The following ZCCHC14 variants were observed in gnomAD, a reference collection of about 807,000 sequenced individuals.
The protein encoded by ZCCHC14 is zinc finger CCHC-type containing 14.
Under a neutral mutation model 85.0 loss-of-function variants are expected in ZCCHC14, and 16 were observed. That is an observed-to-expected ratio of 0.19 (90% confidence interval 0.13 to 0.29). The LOEUF (loss-of-function observed/expected upper bound fraction) is 0.29. Among genes scored for constraint, ZCCHC14 ranks in the 10% least tolerant of loss-of-function variants. The pLI, the probability that ZCCHC14 is intolerant of heterozygous loss-of-function variation, is 1.00. For missense variants in ZCCHC14, 1,303 were observed against 1,443.5 expected (o/e 0.90, Z 1.58); for synonymous variants, 775 against 630.7 (o/e 1.23, Z -3.43).
At chr16:87,454,473 G>T (rs963860645) in intron 2 of ZCCHC14, among the ~76,000 whole-genome samples, 2 of 152,122 alleles carry the variant, frequency 1.3e-5, no homozygotes, top group African/African-American at 4.8e-5. Flanking sequence ...CCAGAATATA[G>T]CAAAATGACA....
intron 4 of ZCCHC14, among the ~76,000 whole-genome samples, chr16:87,421,654 G>C (rs1909101788): frequency 6.6e-6 from 1 of 152,152 alleles, no homozygotes; most frequent in South Asian, 2.1e-4. Context: ...TGTGCCACAG[G>C]CCTGCAGGGA....
intron 1 of ZCCHC14, among the ~76,000 whole-genome samples, chr16:87,486,574 CAT>C (rs1283192968): frequency 6.6e-6 from 1 of 152,212 alleles, no homozygotes; most frequent in Non-Finnish European, 1.5e-5. Context: ...TTAAGCAGCA[CAT>C]GACTGTATGC....
At chr16:87,451,701 G>C (rs945228588) in intron 2 of ZCCHC14, among the ~76,000 whole-genome samples, 1 of 152,330 alleles carries the variant, frequency 6.6e-6, no homozygotes, top group Non-Finnish European at 1.5e-5. Context: ...TCTGGGCAGA[G>C]GGATGCTACA....
At chr16:87,466,016 G>A (rs1438191496) in intron 1 of ZCCHC14, among the ~76,000 whole-genome samples, 3 of 152,174 alleles carry the variant, frequency 2.0e-5, no homozygotes, top group Admixed American at 6.5e-5. Context: ...TTAGACCAGA[G>A]GGAATCAAAG....
Position 87,491,541 on chromosome 16 carries a change from C to T in ZCCHC14, c.570+128G>A. On this transcript the variant is annotated intron_variant, in intron 1 of 12. Transcript: ENST00000671377. This position sits in a 1 kb window ranked among gnomAD's most constrained non-coding sequence, Gnocchi z 5.9. ...GGGGCTCGTGGTGCAGGTTGGAGAC[C>T]TGGGTGGGAGCTCTCAGTGCAGGCT... is the stretch of plus-strand genomic sequence containing the variant. 2.4e-6 allele frequency: 2 copies of T among 832,596 alleles called. No homozygotes were observed. Among genetic ancestry groups the T allele is most frequent in the Non-Finnish European group, 3.3e-6 (2 of 607,624 alleles). The allele number at this position is 832,596 out of a possible 1,614,324, so 51.6% of individuals were successfully genotyped here. A position where few individuals can be genotyped will look rare whatever the true frequency, so the allele number is the denominator to read the frequency against.
intron 2 of ZCCHC14, among the ~76,000 whole-genome samples, chr16:87,454,894 G>A (rs776532031): frequency 6.6e-6 from 1 of 152,210 alleles, no homozygotes; most frequent in Non-Finnish European, 1.5e-5. Flanking sequence ...GGACGGGGCG[G>A]CCCCTGATCT....
At chr16:87,470,815 TGAGAA>T (rs1911742210) in intron 1 of ZCCHC14, 1 of 152,240 alleles carries the variant, frequency 6.6e-6, no homozygotes, top group Non-Finnish European at 1.5e-5. Context: ...AAACAGGCAC[TGAGAA>T]AAGACAAAGG....
chr16:87,441,945 A>G (rs1216255966), intron 2 of ZCCHC14, among the ~76,000 whole-genome samples: 1 of 152,192 alleles, frequency 6.6e-6, no homozygotes, highest in African/African-American at 2.4e-5. Context: ...ACACCTCCTC[A>G]CTGCCTTTTC....
chr16:87,434,139 T>A (rs1909797649), intron 2 of ZCCHC14, among the ~76,000 whole-genome samples: 1 of 152,240 alleles, frequency 6.6e-6, no homozygotes, highest in South Asian at 2.1e-4. Flanking sequence ...ATCAGCCTAC[T>A]CATCCCGTTT....
chr16:87,447,337 G>A (rs11117272), intron 2 of ZCCHC14, among the ~76,000 whole-genome samples: 1 of 151,850 alleles, frequency 6.6e-6, no homozygotes, highest in Non-Finnish European at 1.5e-5. Flanking sequence ...AATTTACATA[G>A]AGCAAAATGC....
chr16:87,484,180 T>C (rs1419864028), intron 1 of ZCCHC14, among the ~76,000 whole-genome samples: 1 of 152,142 alleles, frequency 6.6e-6, no homozygotes, highest in Non-Finnish European at 1.5e-5. Flanking sequence ...AAGAAACATG[T>C]TTTTTACACG....
chr16:87,460,404 A>C (rs1911201131), intron 1 of ZCCHC14, among the ~76,000 whole-genome samples: 1 of 152,198 alleles, frequency 6.6e-6, no homozygotes, highest in Non-Finnish European at 1.5e-5. Flanking sequence ...ATGGTAGCCA[A>C]AGAGGCCGGG....
At chr16:87,450,894 ACCTTTT>A (rs1244440177) in intron 2 of ZCCHC14, among the ~76,000 whole-genome samples, 3 of 150,050 alleles carry the variant, frequency 2.0e-5, no homozygotes, top group African/African-American at 7.4e-5. Context: ...GGAAGTGAAC[ACCTTTT>A]CCTTTTCTTT....
intron 2 of ZCCHC14, among the ~76,000 whole-genome samples, chr16:87,452,750 C>G (rs1333691509): frequency 6.6e-6 from 1 of 151,976 alleles, no homozygotes; most frequent in African/African-American, 2.4e-5. Context: ...CTGAAAGCAC[C>G]TACCCTGCTT....
chr16:87,447,568 T>C (rs1027323190), intron 2 of ZCCHC14, among the ~76,000 whole-genome samples: 2 of 152,322 alleles, frequency 1.3e-5, no homozygotes, highest in East Asian at 1.9e-4. Flanking sequence ...TTCTCTTCCA[T>C]TGTATAAATA....
chr16:87,486,090 T>G (rs1912503155), intron 1 of ZCCHC14, among the ~76,000 whole-genome samples: 1 of 152,166 alleles, frequency 6.6e-6, no homozygotes, highest in Non-Finnish European at 1.5e-5. Context: ...AACTAGCTCA[T>G]GTCAAAGTAA....
rs903120873 is a variant in ZCCHC14 at position 87,407,184 on chromosome 16, A to G, written c.*3096T>C. ...TGTGCCCCAAGACAGAGTCTGTGGT[A>G]TAAACTAACTGTGCTGACTTTGGGC... On this transcript the variant is annotated 3_prime_UTR_variant, in exon 13 of 13. Coordinates refer to ENST00000671377, the MANE Select transcript of ZCCHC14 (RefSeq NM_015144.3). 3.3e-5 allele frequency: 5 copies of G among 152,236 alleles called. No homozygotes were observed. The highest frequency in any genetic ancestry group is 7.2e-5 in the African/African-American group (3 of 41,460). The allele number at this position is 152,236 out of a possible 1,614,324, so 9.4% of individuals were successfully genotyped here.
chr16:87,427,461 T>C (rs150078691), intron 3 of ZCCHC14, among the ~76,000 whole-genome samples: 1 of 152,198 alleles, frequency 6.6e-6, no homozygotes, highest in African/African-American at 2.4e-5. Context: ...CAGGCTGGAG[T>C]GCAGTGGCGC....
At chr16:87,488,277 A>G (rs1054748622) in intron 1 of ZCCHC14, among the ~76,000 whole-genome samples, 5 of 152,210 alleles carry the variant, frequency 3.3e-5, no homozygotes, top group African/African-American at 1.2e-4. Context: ...TAAAATAGGC[A>G]TTGGAAAGTC....
Sources: gnomAD v4.1 joint callset for allele counts (sites outside exome capture counted in the v4.1 genomes callset) on GRCh38, gnomAD v4.1.1 for gene constraint, Gnocchi (gnomAD v3.1) non-coding constraint, MANE v1.5 for transcripts, NCBI Gene and HGNC (gene_info 2026-07-23, HGNC 2026-07-21) for gene names.